AP2B1: variants seen among roughly 807,000 people sequenced by gnomAD.
AP2B1 encodes AP-2 complex subunit beta.
Under a neutral mutation model 102.0 loss-of-function variants are expected in AP2B1, and 23 were observed. The ratio of observed to expected loss-of-function variants is 0.23; its 90% confidence interval spans 0.16 to 0.32. AP2B1 has a LOEUF of 0.32. AP2B1 is among the 10% of genes least tolerant of loss of function. The pLI, the probability that AP2B1 is intolerant of heterozygous loss-of-function variation, is 1.00. For synonymous variants in AP2B1, 381 were observed against 421.2 expected, an observed-to-expected ratio of 0.90 and a Z score of 1.17; for missense variants, 541 against 1,157.4, an observed-to-expected ratio of 0.47 and a Z score of 7.73.
Position 35,627,507 on chromosome 17 carries a change from T to TGAGA in AP2B1, c.1059+2_1059+3insGAGA. 2 of 1,614,078 alleles carry TGAGA rather than the reference T, an allele frequency of 1.2e-6. No individual in the cohort carries two copies. Among genetic ancestry groups the TGAGA allele is most frequent in the East Asian group, 4.5e-5 (2 of 44,872 alleles). On this transcript the variant is annotated splice_region_variant and intron_variant, in intron 8 of 21. Transcript: ENST00000610402. Reference sequence around the variant, plus strand: ...GCATCTCAAGCCAACATTGCTCAGGTCAGACTTTATGCAGACTCAAGTTGA... The same window carrying TGAGA: ...GCATCTCAAGCCAACATTGCTCAGGTGAGACAGACTTTATGCAGACTCAAGTTGA...
chr17:35,600,973 TTTTG>T (rs2073460897), intron 3 of AP2B1: 7 of 984,792 alleles, frequency 7.1e-6, no homozygotes, highest in African/African-American at 3.5e-5. Context: ...GTTATTTTTC[TTTTG>T]TTTGTTAGCA....
chr17:35,665,446 C>G (rs955009672), intron 14 of AP2B1, among the ~76,000 whole-genome samples: 3 of 152,080 alleles, frequency 2.0e-5, no homozygotes, highest in Non-Finnish European at 4.4e-5. Context: ...TTTTGAAGAT[C>G]ATATTAAAAT....
chr17:35,702,735 A>G (rs1481349718), intron 18 of AP2B1, among the ~76,000 whole-genome samples: 3 of 152,194 alleles, frequency 2.0e-5, no homozygotes, highest in African/African-American at 7.2e-5. Context: ...GCAGAATCCC[A>G]TAGTAGTTAC....
At chr17:35,678,280 C>G (rs1404528580) in intron 17 of AP2B1, among the ~76,000 whole-genome samples, 1 of 152,076 alleles carries the variant, frequency 6.6e-6, no homozygotes, top group African/African-American at 2.4e-5. Context: ...TTTCTAGTGG[C>G]CTTTTTGTAA....
chr17:35,714,434 G>T (rs1555588950), intron 20 of AP2B1, among the ~76,000 whole-genome samples: 2 of 152,090 alleles, frequency 1.3e-5, no homozygotes, highest in Non-Finnish European at 2.9e-5. Flanking sequence ...GTCAGAGGAT[G>T]TGTGACCTTA....
In AP2B1 at chr17:35,691,583, A is replaced by G. The variant is rs115293749; in HGVS notation, c.2454+8759A>G. Among the ~76,000 whole-genome samples the G allele has an allele frequency of 5.1e-3, 780 of 152,274 alleles. 9 individuals are homozygous for G. The highest frequency in any genetic ancestry group is 0.018 in the African/African-American group (747 of 41,546). On this transcript the variant is annotated intron_variant, in intron 18 of 21. Transcript: ENST00000610402. ...ATTGAGGACTGCACACTCTGATTGC[A>G]TTTGTGGGACCACGATGCTCCTTGA...
chr17:35,717,066 G>A lies in AP2B1; in HGVS notation c.2627-129G>A, dbSNP rs975018044. 7 of 1,012,278 alleles carry A rather than the reference G, an allele frequency of 6.9e-6. No individual in the cohort carries two copies. In the East Asian group the frequency reaches 9.9e-5, roughly 14 times the overall value. The allele number at this position is 1,012,278 out of a possible 1,614,324, so 62.7% of individuals were successfully genotyped here. A position where few individuals can be genotyped will look rare whatever the true frequency, so the allele number is the denominator to read the frequency against. ...TGTGTGGGAGAATGGCTTCTGAAGTGTACACATGTCCATGTGACAGTACTT... is the reference window on the plus strand; with the variant it reads ...TGTGTGGGAGAATGGCTTCTGAAGTATACACATGTCCATGTGACAGTACTT... On this transcript the variant is annotated intron_variant, in intron 20 of 21. Coordinates refer to ENST00000610402, the MANE Select transcript of AP2B1 (RefSeq NM_001030006.2).
At chr17:35,685,527 T>A (rs896211662) in intron 18 of AP2B1, among the ~76,000 whole-genome samples, 4 of 152,074 alleles carry the variant, frequency 2.6e-5, no homozygotes, top group Admixed American at 1.3e-4. Context: ...CTACAGACCA[T>A]AAAATTGGGA....
intron 2 of AP2B1, among the ~76,000 whole-genome samples, chr17:35,595,585 T>G (rs2073242803): frequency 6.6e-6 from 1 of 152,130 alleles, no homozygotes; most frequent in South Asian, 2.1e-4. Flanking sequence ...CCAGATTATT[T>G]TAATGTGCAG....
intron 20 of AP2B1, among the ~76,000 whole-genome samples, chr17:35,714,270 CCTAA>C (rs1383959886): frequency 4.6e-5 from 7 of 152,176 alleles, no homozygotes; most frequent in Non-Finnish European, 1.0e-4. Context: ...CCAGCTAGCA[CCTAA>C]CTATCATTTG....
intron 4 of AP2B1, chr17:35,607,903 C>T: frequency 4.1e-6 from 2 of 492,728 alleles, no homozygotes; most frequent in Non-Finnish European, 7.3e-6. Context: ...AGAGTGAATC[C>T]TGCTGAGCTG....
intron 18 of AP2B1, among the ~76,000 whole-genome samples, chr17:35,688,565 A>C (rs993121228): frequency 4.0e-5 from 6 of 151,824 alleles, no homozygotes; most frequent in African/African-American, 1.5e-4. Flanking sequence ...CATTTTCTCT[A>C]TTTCTTATCA....
chr17:35,635,120 C>T (rs1598119397), intron 9 of AP2B1, among the ~76,000 whole-genome samples: 1 of 152,216 alleles, frequency 6.6e-6, no homozygotes, highest in African/African-American at 2.4e-5. Context: ...GGCACGATCT[C>T]GGCTCACTGC....
In AP2B1 at chr17:35,639,769, T is replaced by C. The variant is rs2074713882; in HGVS notation, c.1437+9T>C. On this transcript the variant is annotated intron_variant, in intron 11 of 21. Transcript: ENST00000610402. ...ACGATGAAAGCACCCAGGTAAGTTC[T>C]TGTCTCTTGTCTATCCTAGTAGTTT... is the stretch of plus-strand genomic sequence containing the variant. 3 of 1,611,950 alleles carry C rather than the reference T, an allele frequency of 1.9e-6. No homozygotes were observed. Among genetic ancestry groups the C allele is most frequent in the Middle Eastern group, 1.6e-4 (1 of 6,072 alleles).
rs973190878 is a variant in AP2B1, at chr17:35,725,997, A to G, written c.*2298A>G. Reference sequence around the variant, plus strand: ...TAGGGAGGAATTCTACTTCCCATAAAAGGACCTCTCCTGAGAGGCAAAACC... The same window carrying G: ...TAGGGAGGAATTCTACTTCCCATAAGAGGACCTCTCCTGAGAGGCAAAACC... On this transcript the variant is annotated 3_prime_UTR_variant, in exon 22 of 22. Transcript: ENST00000610402. 6.6e-6 allele frequency: 1 copy of G among 152,094 alleles called. No individual in the cohort carries two copies. Among genetic ancestry groups the G allele is most frequent in the Non-Finnish European group, 1.5e-5 (1 of 68,022 alleles). The allele number at this position is 152,094 out of a possible 1,614,324, so 9.4% of individuals were successfully genotyped here.
intron 12 of AP2B1, among the ~76,000 whole-genome samples, chr17:35,644,542 T>A (rs1440430752): frequency 6.7e-6 from 1 of 149,970 alleles, no homozygotes; most frequent in African/African-American, 2.5e-5. Flanking sequence ...CACGCCCAGC[T>A]AATTTTTTTT....
intron 12 of AP2B1, among the ~76,000 whole-genome samples, chr17:35,645,722 G>A (rs374103778): frequency 5.3e-5 from 8 of 152,068 alleles, no homozygotes; most frequent in South Asian, 4.1e-4. Context: ...GGTGGCATGC[G>A]CCTGTAATCC....
At chr17:35,657,576 A>T in intron 13 of AP2B1, 23 bp from the exon 14 acceptor site, 1 of 1,590,548 alleles carries the variant, frequency 6.3e-7, no homozygotes, top group Non-Finnish European at 8.6e-7. Flanking sequence ...TCTTTTCTCC[A>T]TTTTATGTGT....
intron 13 of AP2B1, among the ~76,000 whole-genome samples, chr17:35,655,798 G>C (rs1371455934): frequency 6.6e-6 from 1 of 152,194 alleles, no homozygotes; most frequent in African/African-American, 2.4e-5. Context: ...TGTCAGCAAT[G>C]CTTGGTAGTT....
Sources: gnomAD v4.1 joint callset for allele counts (sites outside exome capture counted in the v4.1 genomes callset) on GRCh38, gnomAD v4.1.1 for gene constraint, MANE v1.5 for transcripts, NCBI Gene and HGNC (gene_info 2026-07-23, HGNC 2026-07-21) for gene names.